Variants in SSH2 observed in about 807,000 individuals in gnomAD.
SSH2 encodes the protein slingshot protein phosphatase 2, also known as protein phosphatase Slingshot homolog 2.
SSH2 carries 37 observed loss-of-function variants against 135.2 expected under a neutral mutation model. The observed-to-expected ratio is 0.27, with a 90% CI of 0.21 to 0.36. The LOEUF is 0.36. Ranked by LOEUF, SSH2 falls within the 10% of genes least tolerant of loss-of-function variation. SSH2 has a pLI of 1.00. For missense variants in SSH2, 1,408 were observed against 1,765.3 expected (o/e 0.80, Z 3.63); for synonymous variants, 628 against 646.2 (o/e 0.97, Z 0.43).
At chr17:29,702,477 A>T (rs891628948) in intron 4 of SSH2, among the ~76,000 whole-genome samples, 6 of 151,920 alleles carry the variant, frequency 3.9e-5, no homozygotes, top group African/African-American at 1.5e-4. Flanking sequence ...TAATGTGGTA[A>T]AACCCTGTCT....
At chr17:29,748,340 A>AT (rs1343321373) in intron 3 of SSH2, among the ~76,000 whole-genome samples, 1 of 152,158 alleles carries the variant, frequency 6.6e-6, no homozygotes, top group East Asian at 1.9e-4. Flanking sequence ...TTTGAAGGCC[A>AT]TAACACCCAG....
intron 11 of SSH2, among the ~76,000 whole-genome samples, chr17:29,662,632 A>C (rs1379960704): frequency 6.6e-6 from 1 of 151,446 alleles, no homozygotes; most frequent in African/African-American, 2.4e-5. Context: ...CAATTTGAGG[A>C]TTTTTTTTTA....
intron 3 of SSH2, among the ~76,000 whole-genome samples, chr17:29,736,480 A>G (rs71371130): frequency 3.3e-5 from 5 of 152,206 alleles, no homozygotes; most frequent in Admixed American, 6.5e-5. Context: ...ATAAGGTATA[A>G]CAGTTACTAT....
At chr17:29,730,705 C>G (rs1170981294) in intron 3 of SSH2, among the ~76,000 whole-genome samples, 1 of 152,124 alleles carries the variant, frequency 6.6e-6, no homozygotes, top group Non-Finnish European at 1.5e-5. Flanking sequence ...TCCCAAAGTG[C>G]TGGGATTACA....
At chr17:29,813,394 A>G (rs1287770465) in intron 2 of SSH2, among the ~76,000 whole-genome samples, 1 of 152,192 alleles carries the variant, frequency 6.6e-6, no homozygotes, top group Admixed American at 6.5e-5. Flanking sequence ...GGCAAAGACT[A>G]GAAGCAGATA....
chr17:29,705,366 C>T (rs2039156256), intron 3 of SSH2, among the ~76,000 whole-genome samples: 1 of 152,182 alleles, frequency 6.6e-6, no homozygotes. Context: ...GTTCCCATCA[C>T]ATTTGAGCTT....
At chr17:29,691,013 C>A (rs1415091893) in intron 5 of SSH2, among the ~76,000 whole-genome samples, 1 of 151,700 alleles carries the variant, frequency 6.6e-6, no homozygotes, top group African/African-American at 2.4e-5. Flanking sequence ...GGATACTTAT[C>A]CAAATTGCTG....
At position 29,631,265 on chromosome 17, in the gene SSH2, G is replaced by C; in HGVS notation, c.3929C>G (p.Ser1310Cys). 6.2e-7 allele frequency: 1 copy of C among 1,614,064 alleles called. No homozygotes were observed. Among genetic ancestry groups the C allele is most frequent in the Non-Finnish European group, 8.5e-7 (1 of 1,180,030 alleles). ...LPEREPASCE[S>C]PHLKLLQPFL... ...AGGCTGAAGCAGTTTGAGATGAGGG[G>C]ATTCACAGGAGGCAGGCTCCCTCTC... The change falls in exon 16 of 16, where the codon TCC becomes TGC. Residue 1310 changes from serine to cysteine, a missense_variant. By Grantham distance (112) the Ser-to-Cys change is moderately radical. Coordinates refer to ENST00000540801, the MANE Select transcript of SSH2 (RefSeq NM_001282129.2).
intron 5 of SSH2, among the ~76,000 whole-genome samples, chr17:29,691,539 G>A (rs1671311959): frequency 6.6e-6 from 1 of 151,436 alleles, no homozygotes; most frequent in Admixed American, 6.6e-5. Context: ...TGCCCAGGCT[G>A]GAGTGCAGTG....
chr17:29,771,351 T>C (rs2041582113), intron 3 of SSH2, among the ~76,000 whole-genome samples: 1 of 152,204 alleles, frequency 6.6e-6, no homozygotes, highest in African/African-American at 2.4e-5. Context: ...GCTATGCAGG[T>C]CATAAGCACT....
intron 1 of SSH2, among the ~76,000 whole-genome samples, chr17:29,857,821 G>C (rs940893892): frequency 2.0e-5 from 3 of 152,158 alleles, no homozygotes; most frequent in Admixed American, 2.0e-4. Context: ...TATTCACACT[G>C]TTGTATAGTC....
chr17:29,917,786 C>T (rs758939412), intron 1 of SSH2, among the ~76,000 whole-genome samples: 7 of 151,558 alleles, frequency 4.6e-5, no homozygotes, highest in Non-Finnish European at 8.8e-5. Flanking sequence ...ACTCAGGAAG[C>T]GGAGGTTGCA....
intron 3 of SSH2, among the ~76,000 whole-genome samples, chr17:29,710,393 G>A (rs1158215894): frequency 2.0e-5 from 3 of 152,332 alleles, no homozygotes; most frequent in Non-Finnish European, 1.5e-5. Context: ...ACTGCATGCA[G>A]TATTATTGCA....
rs758935208 is a variant in SSH2, at chr17:29,677,758, A to G, written c.480-17T>C. 17 of 1,606,110 alleles carry G rather than the reference A, an allele frequency of 1.1e-5. No individual in the cohort carries two copies. The highest frequency in any genetic ancestry group is 1.4e-5 in the Non-Finnish European group (17 of 1,172,816). On this transcript the variant is annotated splice_polypyrimidine_tract_variant and intron_variant, in intron 6 of 15. Transcript: ENST00000540801. ...CAAGTGCTACTGCAAGACAAGAAGT[A>G]GTCCAATAGTTACTCCCCATTACTC...
chr17:29,840,933 C>A (rs1362965568), intron 2 of SSH2, among the ~76,000 whole-genome samples: 1 of 152,168 alleles, frequency 6.6e-6, no homozygotes, highest in Non-Finnish European at 1.5e-5. Flanking sequence ...ATTGTCTGAA[C>A]CTTCAACTTG....
chr17:29,825,031 G>A (rs985834791), intron 2 of SSH2, among the ~76,000 whole-genome samples: 1 of 152,150 alleles, frequency 6.6e-6, no homozygotes, highest in Non-Finnish European at 1.5e-5. Flanking sequence ...GTGGTGAAGA[G>A]AGATTACCTC....
intron 1 of SSH2, among the ~76,000 whole-genome samples, chr17:29,908,643 A>T (rs2066700545): frequency 6.6e-6 from 1 of 151,890 alleles, no homozygotes; most frequent in Non-Finnish European, 1.5e-5. Flanking sequence ...GTGCACCTGT[A>T]ATCCCAGTTA....
intron 3 of SSH2, among the ~76,000 whole-genome samples, chr17:29,754,338 C>T (rs573218256): frequency 3.9e-5 from 6 of 152,126 alleles, no homozygotes; most frequent in Non-Finnish European, 7.4e-5. Context: ...ACCCCTTGTA[C>T]AACTACAAAG....
At chr17:29,761,218 G>A in intron 3 of SSH2, 2 of 1,288,390 alleles carry the variant, frequency 1.6e-6, no homozygotes, top group South Asian at 2.5e-5. Context: ...CGGGGCCACC[G>A]AGGCTGCAGG....
Sources: gnomAD v4.1 joint callset for allele counts (sites outside exome capture counted in the v4.1 genomes callset) on GRCh38, gnomAD v4.1.1 for gene constraint, MANE v1.5 for transcripts, NCBI Gene and HGNC (gene_info 2026-07-23, HGNC 2026-07-21) for gene names.